The following AKAIN1 variants were observed in gnomAD, a reference collection of about 807,000 sequenced individuals.
AKAIN1 encodes A-kinase anchor inhibitor 1, also known as A-kinase anchor protein inhibitor 1.
AKAIN1 carries 3 observed loss-of-function variants against 3.7 expected under a neutral mutation model. That is an observed-to-expected ratio of 0.82 (90% CI 0.37 to 2.12). AKAIN1 has a LOEUF of 2.12. Ranked by LOEUF, AKAIN1 falls within the 30% of genes most tolerant of loss-of-function variation. The pLI, the probability that AKAIN1 is intolerant of heterozygous loss-of-function variation, is 0.06. For missense variants in AKAIN1, 82 were observed against 82.7 expected (o/e 0.99, Z 0.03); for synonymous variants, 31 against 30.8 (o/e 1.01, Z -0.02).
chr18:5,163,898 C>A (rs2143335293), intron 1 of AKAIN1: 1 of 152,158 alleles, frequency 6.6e-6, no homozygotes, highest in East Asian at 1.9e-4. Context: ...GACTCAATAT[C>A]TTTTGAATCC....
rs527802041 is a variant in AKAIN1 at position 5,155,706 on chromosome 18, C to G, written c.17-9951G>C. ...CAGGACTCCCAGATGCAGGAGTCTG[C>G]TATTTATAGGGGCAGCAAAAGTAGA... On this transcript the variant is annotated intron_variant, in intron 1 of 1. Transcript: ENST00000434239. Among the ~76,000 whole-genome samples, 28 of 152,276 alleles carry G rather than the reference C, an allele frequency of 1.8e-4. 1 individual carries two copies. In the South Asian group the frequency reaches 4.3e-3, roughly 24 times the overall value.
In AKAIN1 at chr18:5,167,340, T is replaced by C. The variant is rs545314725; in HGVS notation, c.17-21585A>G. Among the ~76,000 whole-genome samples, 61 of 152,192 alleles carry C rather than the reference T, an allele frequency of 4.0e-4. 1 individual carries two copies. In the South Asian group the frequency reaches 9.3e-3, roughly 23 times the overall value. ...TTCCTTTCATATCTCTTCCGTCGTATGGCCGCCCTTGAACCAATCACTGGC... is the reference window on the plus strand; with the variant it reads ...TTCCTTTCATATCTCTTCCGTCGTACGGCCGCCCTTGAACCAATCACTGGC... On this transcript the variant is annotated intron_variant, in intron 1 of 1. Transcript: ENST00000434239.
rs537568553 is a variant in AKAIN1 at position 5,170,579 on chromosome 18, G to T, written c.17-24824C>A. On this transcript the variant is annotated intron_variant, in intron 1 of 1. Transcript: ENST00000434239. ...TAGCACACTTATATTTTATGTGTGT[G>T]TTGACTCATTTAATTCTCATGAAAA... 10 of 152,206 alleles carry T rather than the reference G, an allele frequency of 6.6e-5. No individual in the cohort carries two copies. The South Asian group carries it at 1.9e-3, about 28-fold the overall frequency. 9.4% of individuals were successfully genotyped at this position (152,206 alleles called of 1,614,324 possible).
At chr18:5,183,740 A>T (rs180811988) in intron 1 of AKAIN1, among the ~76,000 whole-genome samples, 1 of 152,238 alleles carries the variant, frequency 6.6e-6, no homozygotes, top group East Asian at 1.9e-4. Flanking sequence ...GCTCTTAGGA[A>T]AAATCAGGAT....
rs1355209540 is a variant in AKAIN1 at position 5,183,995 on chromosome 18, G to T, written c.16+13043C>A. On this transcript the variant is annotated intron_variant, in intron 1 of 1. Coordinates refer to ENST00000434239, the MANE Select transcript of AKAIN1 (RefSeq NM_001145194.2). ...GGAAACACTTCAGCACTACATTCAA[G>T]AGTCATTTTAAACAGTGAAATCACT... 4.6e-5 allele frequency among the ~76,000 whole-genome samples: 7 copies of T among 151,994 alleles called. No homozygotes were observed. In the East Asian group the frequency reaches 1.4e-3, roughly 29 times the overall value.
At chr18:5,194,469 C>T (rs909368474) in intron 1 of AKAIN1, among the ~76,000 whole-genome samples, 1 of 152,086 alleles carries the variant, frequency 6.6e-6, no homozygotes, top group Non-Finnish European at 1.5e-5. Context: ...AGACTAAATC[C>T]TAAATAGGGT....
chr18:5,170,399 G>A (rs530695639), intron 1 of AKAIN1, among the ~76,000 whole-genome samples: 1 of 152,130 alleles, frequency 6.6e-6, no homozygotes, highest in African/African-American at 2.4e-5. Flanking sequence ...TTGATATCAT[G>A]GCCCCAGTTC....
chr18:5,161,582 G>C (rs1289199668), intron 1 of AKAIN1, among the ~76,000 whole-genome samples: 1 of 151,966 alleles, frequency 6.6e-6, no homozygotes, highest in Non-Finnish European at 1.5e-5. Flanking sequence ...CTGAAAAAAA[G>C]TGGTGTTCCT....
chr18:5,164,906 G>C (rs2071159253), intron 1 of AKAIN1, among the ~76,000 whole-genome samples: 1 of 152,018 alleles, frequency 6.6e-6, no homozygotes. Flanking sequence ...CAATATTAAA[G>C]AGTTGGGAGT....
intron 1 of AKAIN1, among the ~76,000 whole-genome samples, chr18:5,164,592 C>T (rs1180148099): frequency 6.6e-6 from 1 of 151,788 alleles, no homozygotes; most frequent in Non-Finnish European, 1.5e-5. Context: ...AATCTGAGTC[C>T]CTCCCAGGAC....
upstream of AKAIN1, chr18:5,197,342 G>A: frequency 7.8e-7 from 1 of 1,279,542 alleles, no homozygotes. This position sits in a 1 kb window ranked among gnomAD's most constrained non-coding sequence, Gnocchi z 6.9. Context: ...GACGTACACT[G>A]CTGCTTAGGG....
intron 1 of AKAIN1, among the ~76,000 whole-genome samples, chr18:5,168,312 T>C (rs2071177995): frequency 1.3e-5 from 2 of 152,100 alleles, no homozygotes; most frequent in South Asian, 2.1e-4. Context: ...GGCTTGAATG[T>C]AACCTTTCTT....
chr18:5,191,914 C>CAT (rs1176569843), intron 1 of AKAIN1, among the ~76,000 whole-genome samples: 1 of 152,100 alleles, frequency 6.6e-6, no homozygotes, highest in Non-Finnish European at 1.5e-5. Flanking sequence ...AGCCTATACG[C>CAT]ATATATTTCT....
intron 1 of AKAIN1, among the ~76,000 whole-genome samples, chr18:5,174,781 C>A: frequency 6.6e-6 from 1 of 152,098 alleles, no homozygotes; most frequent in South Asian, 2.1e-4. Flanking sequence ...ATGGAGTGAT[C>A]GTGACATTTG....
intron 1 of AKAIN1, among the ~76,000 whole-genome samples, chr18:5,177,882 C>G (rs1386088384): frequency 6.6e-6 from 1 of 152,106 alleles, no homozygotes; most frequent in Non-Finnish European, 1.5e-5. Flanking sequence ...GAAGGAACAT[C>G]AAAAGCTGCT....
intron 1 of AKAIN1, among the ~76,000 whole-genome samples, chr18:5,196,362 C>G (rs2071347773): frequency 6.6e-6 from 1 of 152,252 alleles, no homozygotes; most frequent in Non-Finnish European, 1.5e-5. Context: ...GCCGGTCAAC[C>G]GCAGACAAAT....
chr18:5,166,715 T>C (rs1021560518), intron 1 of AKAIN1, among the ~76,000 whole-genome samples: 2 of 152,126 alleles, frequency 1.3e-5, no homozygotes, highest in Non-Finnish European at 2.9e-5. Flanking sequence ...CAATAAGGCA[T>C]TTGAAACTGT....
intron 1 of AKAIN1, among the ~76,000 whole-genome samples, chr18:5,178,861 T>C (rs1194359040): frequency 6.6e-6 from 1 of 152,112 alleles, no homozygotes; most frequent in Non-Finnish European, 1.5e-5. Flanking sequence ...AAAGCACAGA[T>C]AGTAATGGGG....
At chr18:5,172,416 T>C (rs914813432) in intron 1 of AKAIN1, among the ~76,000 whole-genome samples, 12 of 152,086 alleles carry the variant, frequency 7.9e-5, no homozygotes, top group African/African-American at 2.9e-4. Context: ...ATGTAGCCCA[T>C]AAATATATGC....
Sources: allele counts gnomAD v4.1 joint callset (sites outside exome capture counted in the v4.1 genomes callset), GRCh38; gene constraint gnomAD v4.1.1; non-coding constraint Gnocchi (gnomAD v3.1); transcripts MANE v1.5; gene names NCBI Gene and HGNC (gene_info 2026-07-23, HGNC 2026-07-21).